Variants in NKAIN3 observed in about 807,000 individuals in gnomAD.
NKAIN3 encodes sodium/potassium transporting ATPase interacting 3, also known as sodium/potassium-transporting ATPase subunit beta-1-interacting protein 3.
A neutral mutation model predicts 30.2 loss-of-function variants in NKAIN3; 25 were observed. That is an observed-to-expected ratio of 0.83 (90% CI 0.60 to 1.16). NKAIN3 has a LOEUF of 1.16. NKAIN3 is among the 50% of genes most tolerant of loss of function. NKAIN3 has a pLI of 0.00. For synonymous variants in NKAIN3, 91 were observed against 89.6 expected, an observed-to-expected ratio of 1.02 and a Z score of -0.09; for missense variants, 225 against 254.1, an observed-to-expected ratio of 0.89 and a Z score of 0.78.
chr8:62,998,270 C>G (rs981562004), intron 5 of NKAIN3, among the ~76,000 whole-genome samples: 7 of 151,930 alleles, frequency 4.6e-5, no homozygotes, highest in African/African-American at 1.7e-4. Flanking sequence ...CTCTCTCTCT[C>G]TCTTTTTTTT....
intron 1 of NKAIN3, among the ~76,000 whole-genome samples, chr8:62,374,473 G>A (rs746465448): frequency 2.3e-4 from 35 of 152,210 alleles, no homozygotes; most frequent in Non-Finnish European, 4.0e-4. Flanking sequence ...CAGGAGTCCA[G>A]GCTAAGGAAA....
intron 3 of NKAIN3, among the ~76,000 whole-genome samples, chr8:62,736,875 C>T (rs1179630850): frequency 6.6e-6 from 1 of 152,186 alleles, no homozygotes; most frequent in Non-Finnish European, 1.5e-5. Flanking sequence ...TCCTACAGGG[C>T]TTCTCTCAAT....
intron 4 of NKAIN3, among the ~76,000 whole-genome samples, chr8:62,845,285 T>TTATATGTATATATATATATA: frequency 1.5e-5 from 1 of 68,928 alleles, no homozygotes; most frequent in Non-Finnish European, 3.0e-5. Flanking sequence ...GGATAGTAGA[T>TTATATGTATATATATATATA]TATATATATA....
At position 62,974,648 on chromosome 8, in the gene NKAIN3, T is replaced by C. The variant is rs989426616; in HGVS notation, c.*9241T>C. Among the ~76,000 whole-genome samples, 3 of 152,192 alleles carry C rather than the reference T, an allele frequency of 2.0e-5. No individual in the cohort carries two copies. The highest frequency in any genetic ancestry group is 4.8e-5 in the African/African-American group (2 of 41,452). ...TTTCTCTCTTCCTATTCGAATACGCTTTATTTCATTCTCTTGCCTGTTTGC... is the reference window on the plus strand; with the variant it reads ...TTTCTCTCTTCCTATTCGAATACGCCTTATTTCATTCTCTTGCCTGTTTGC... On this transcript the variant is annotated 3_prime_UTR_variant, in exon 7 of 7. Coordinates refer to ENST00000623646, the MANE Select transcript of NKAIN3 (RefSeq NM_001304533.3).
At chr8:62,717,241 AT>A (rs1240216907) in intron 3 of NKAIN3, among the ~76,000 whole-genome samples, 1 of 152,202 alleles carries the variant, frequency 6.6e-6, no homozygotes, top group African/African-American at 2.4e-5. Flanking sequence ...TAGAAAGAAT[AT>A]TCATTTTCTA....
chr8:62,511,792 G>T (rs1807820152), intron 1 of NKAIN3, among the ~76,000 whole-genome samples: 1 of 152,064 alleles, frequency 6.6e-6, no homozygotes, highest in South Asian at 2.1e-4. Flanking sequence ...CATCACACTA[G>T]CTGCTACTCC....
intron 1 of NKAIN3, among the ~76,000 whole-genome samples, chr8:62,500,376 A>G (rs915441508): frequency 6.6e-6 from 1 of 151,606 alleles, no homozygotes; most frequent in Non-Finnish European, 1.5e-5. Context: ...AAGTACTAAG[A>G]AAAATATAGA....
At chr8:62,542,312 A>T (rs1430869321) in intron 1 of NKAIN3, among the ~76,000 whole-genome samples, 1 of 152,226 alleles carries the variant, frequency 6.6e-6, no homozygotes, top group East Asian at 1.9e-4. Flanking sequence ...ATCTTCTGCC[A>T]GAATTAAGAA....
rs80284904 is a variant in NKAIN3 at position 62,278,073 on chromosome 8, G to A, written c.54+28946G>A. Among the ~76,000 whole-genome samples the A allele has an allele frequency of 0.012, 1,770 of 152,250 alleles. 76 individuals carry two copies. In the East Asian group the frequency reaches 0.13, roughly 11 times the overall value. On this transcript the variant is annotated intron_variant, in intron 1 of 6. Coordinates refer to ENST00000623646, the MANE Select transcript of NKAIN3 (RefSeq NM_001304533.3). ...AAAGCTACATAGAGAGGAACAAGGC[G>A]TTGATGTGGTTCTGTCTCAAGACAT...
chr8:62,843,784 C>T (rs1292354106), intron 4 of NKAIN3, among the ~76,000 whole-genome samples: 3 of 152,038 alleles, frequency 2.0e-5, no homozygotes, highest in African/African-American at 2.4e-5. Flanking sequence ...TGCTTTTTCA[C>T]GCATTTTTTT....
intron 3 of NKAIN3, among the ~76,000 whole-genome samples, chr8:62,648,072 C>T (rs1171094663): frequency 6.6e-6 from 1 of 152,038 alleles, no homozygotes; most frequent in Non-Finnish European, 1.5e-5. Flanking sequence ...ATTTAGACAG[C>T]TGGGTGCATG....
chr8:62,644,001 CCA>C (rs1454978419), intron 3 of NKAIN3, among the ~76,000 whole-genome samples: 3 of 151,970 alleles, frequency 2.0e-5, no homozygotes, highest in Non-Finnish European at 4.4e-5. Flanking sequence ...TCTCTGGGTT[CCA>C]GTTAGTTTTG....
chr8:62,599,214 T>C (rs544860478), intron 3 of NKAIN3, among the ~76,000 whole-genome samples: 1 of 152,212 alleles, frequency 6.6e-6, no homozygotes, highest in African/African-American at 2.4e-5. Context: ...CAGCCTGCCC[T>C]GCAGCAGGCA....
chr8:62,597,321 G>A lies in NKAIN3; in HGVS notation c.273+7527G>A, dbSNP rs563322974. On this transcript the variant is annotated intron_variant, in intron 3 of 6. Transcript: ENST00000623646. The stretch of plus-strand genomic sequence containing the variant: ...GTGTCCATCTTACTAAATGGGTATC[G>A]GCTTTCTGAGTTTCCTTAATTAGTG... Among the ~76,000 whole-genome samples, 23 of 152,170 alleles carry A rather than the reference G, an allele frequency of 1.5e-4. No individual in the cohort carries two copies. The East Asian group carries it at 1.7e-3, about 12-fold the overall frequency.
rs377176810 is a variant in NKAIN3, at chr8:62,807,076, C to G, written c.471+59947C>G. Reference sequence around the variant, plus strand: ...ACATCACGTATTTAGTTTGTTAAATCTTTTACTTCAAAGGATAGATTTTCT... The same window carrying G: ...ACATCACGTATTTAGTTTGTTAAATGTTTTACTTCAAAGGATAGATTTTCT... On this transcript the variant is annotated intron_variant, in intron 4 of 6. Coordinates refer to ENST00000623646, the MANE Select transcript of NKAIN3 (RefSeq NM_001304533.3). Among the ~76,000 whole-genome samples, 7 of 152,216 alleles carry G rather than the reference C, an allele frequency of 4.6e-5. 1 individual carries two copies. Among genetic ancestry groups the G allele is most frequent in the Admixed American group, 6.5e-5 (1 of 15,284 alleles).
At chr8:62,438,403 A>AT (rs1805230934) in intron 1 of NKAIN3, among the ~76,000 whole-genome samples, 1 of 152,122 alleles carries the variant, frequency 6.6e-6, no homozygotes, top group Non-Finnish European at 1.5e-5. Flanking sequence ...GTTGTGCCTG[A>AT]TTACACTGTG....
Position 62,568,539 on chromosome 8 carries a change from G to A in NKAIN3, c.55-11000G>A, listed in dbSNP as rs147751057. On this transcript the variant is annotated intron_variant, in intron 1 of 6. Transcript: ENST00000623646. ...ACAAAAGACTTTCCTGAGTGAATTTGTGATACATAGATGTCCTTCACATGC... is the reference window on the plus strand; with the variant it reads ...ACAAAAGACTTTCCTGAGTGAATTTATGATACATAGATGTCCTTCACATGC... Among the ~76,000 whole-genome samples, 297 of 152,272 alleles carry A rather than the reference G, an allele frequency of 2.0e-3. 1 individual carries two copies. The highest frequency in any genetic ancestry group is 6.9e-3 in the African/African-American group (285 of 41,554).
At chr8:62,700,125 G>A (rs575129817) in intron 3 of NKAIN3, among the ~76,000 whole-genome samples, 2 of 150,790 alleles carry the variant, frequency 1.3e-5, no homozygotes, top group South Asian at 2.1e-4. Flanking sequence ...ACCCTGTCTC[G>A]AAAAAAAAAT....
intron 1 of NKAIN3, among the ~76,000 whole-genome samples, chr8:62,390,038 C>A (rs947948850): frequency 6.6e-6 from 1 of 151,962 alleles, no homozygotes; most frequent in African/African-American, 2.4e-5. Context: ...TTAAATTTAA[C>A]TTTTAAGTTC....
Sources: allele counts gnomAD v4.1 joint callset (sites outside exome capture counted in the v4.1 genomes callset), GRCh38; gene constraint gnomAD v4.1.1; transcripts MANE v1.5; gene names NCBI Gene and HGNC (gene_info 2026-07-23, HGNC 2026-07-21).